Variants in LRRTM3 observed in about 807,000 individuals in gnomAD.
LRRTM3 encodes the protein leucine rich repeat transmembrane neuronal 3.
LRRTM3 carries 24 observed loss-of-function variants against 44.7 expected under a neutral mutation model. The observed-to-expected ratio is 0.54, with a 90% CI of 0.39 to 0.76. The LOEUF (loss-of-function observed/expected upper bound fraction) is 0.76. Among genes scored for constraint, LRRTM3 ranks in the 30% least tolerant of loss-of-function variants. LRRTM3 has a pLI of 0.00. For synonymous variants in LRRTM3, 277 were observed against 278.7 expected, an observed-to-expected ratio of 0.99 and a Z score of 0.06; for missense variants, 587 against 702.2, an observed-to-expected ratio of 0.84 and a Z score of 1.85.
chr10:67,058,614 T>C (rs151079554), intron 2 of LRRTM3, among the ~76,000 whole-genome samples: 15 of 152,282 alleles, frequency 9.9e-5, no homozygotes, highest in African/African-American at 3.4e-4. Flanking sequence ...GCCCCTTTTT[T>C]TTCTGTGCGC....
intron 2 of LRRTM3, among the ~76,000 whole-genome samples, chr10:67,087,431 C>A (rs1182756883): frequency 6.6e-6 from 1 of 151,466 alleles, no homozygotes; most frequent in East Asian, 1.9e-4. Flanking sequence ...GGGAAAATCA[C>A]CAAATTAAGG....
At position 66,962,171 on chromosome 10, in the gene LRRTM3, TC is replaced by T. The variant is rs528077444; in HGVS notation, c.1536+33724del. 7.7e-4 allele frequency among the ~76,000 whole-genome samples: 117 copies of T among 152,140 alleles called. 1 individual carries two copies. The highest frequency in any genetic ancestry group is 1.0e-3 in the Non-Finnish European group (68 of 68,004). ...TCCTGTTCAAAACCCTCTAGTGACA[TC>T]CCCCATTTCCTCATCATGAAAGGCA... On this transcript the variant is annotated intron_variant, in intron 2 of 2. Coordinates refer to ENST00000361320, the MANE Select transcript of LRRTM3 (RefSeq NM_178011.5).
At chr10:66,929,251 G>A (rs1247439186) in intron 2 of LRRTM3, among the ~76,000 whole-genome samples, 1 of 152,202 alleles carries the variant, frequency 6.6e-6, no homozygotes, top group Non-Finnish European at 1.5e-5. Flanking sequence ...AAATGAAACA[G>A]CATTGAGAAG....
At chr10:67,073,910 T>G (rs1247838364) in intron 2 of LRRTM3, among the ~76,000 whole-genome samples, 1 of 152,190 alleles carries the variant, frequency 6.6e-6, no homozygotes, top group East Asian at 1.9e-4. Context: ...GTTAAGTAAC[T>G]TTTGACCAAT....
chr10:67,013,456 C>T (rs986389614), intron 2 of LRRTM3, among the ~76,000 whole-genome samples: 25 of 152,150 alleles, frequency 1.6e-4, no homozygotes, highest in African/African-American at 5.3e-4. Context: ...TTTAAAGAGA[C>T]AGAATTCTCA....
intron 2 of LRRTM3, among the ~76,000 whole-genome samples, chr10:67,083,115 C>T (rs1857132167): frequency 6.6e-6 from 1 of 152,096 alleles, no homozygotes; most frequent in Non-Finnish European, 1.5e-5. Flanking sequence ...ACCTTCATTA[C>T]TCAGCCTTTT....
intron 2 of LRRTM3, among the ~76,000 whole-genome samples, chr10:67,083,378 T>A (rs982078886): frequency 3.3e-5 from 5 of 151,960 alleles, no homozygotes; most frequent in Admixed American, 3.3e-4. Flanking sequence ...GGGGCTACCA[T>A]CTAGGAAATT....
intron 2 of LRRTM3, among the ~76,000 whole-genome samples, chr10:67,077,221 C>A (rs919940190): frequency 2.6e-5 from 4 of 152,174 alleles, no homozygotes; most frequent in Non-Finnish European, 5.9e-5. Context: ...TGCACATGTT[C>A]GCTCTGGACC....
At chr10:67,022,124 A>C (rs1853057948) in intron 2 of LRRTM3, among the ~76,000 whole-genome samples, 2 of 152,162 alleles carry the variant, frequency 1.3e-5, no homozygotes, top group South Asian at 4.1e-4. Flanking sequence ...AAGCCAAAGG[A>C]GTGGGAAAAA....
At chr10:66,937,989 CT>C (rs1847802733) in intron 2 of LRRTM3, among the ~76,000 whole-genome samples, 1 of 152,024 alleles carries the variant, frequency 6.6e-6, no homozygotes, top group Non-Finnish European at 1.5e-5. Flanking sequence ...ATAATCTCTT[CT>C]TTTCCTTCTT....
intron 2 of LRRTM3, among the ~76,000 whole-genome samples, chr10:66,929,543 G>T (rs1007647118): frequency 6.6e-6 from 1 of 152,120 alleles, no homozygotes; most frequent in Non-Finnish European, 1.5e-5. Flanking sequence ...ATTCCAAGAC[G>T]TGCCTTCCAC....
chr10:67,008,896 G>A (rs776808014), intron 2 of LRRTM3, among the ~76,000 whole-genome samples: 30 of 152,064 alleles, frequency 2.0e-4, no homozygotes, highest in Non-Finnish European at 4.1e-4. Context: ...ACTATCTTGT[G>A]TAACTTCTTA....
intron 2 of LRRTM3, among the ~76,000 whole-genome samples, chr10:66,994,961 T>C (rs931299448): frequency 3.9e-5 from 6 of 152,112 alleles, no homozygotes; most frequent in Non-Finnish European, 8.8e-5. Flanking sequence ...GATGGAACTC[T>C]CCACAAGGTC....
At chr10:66,956,881 C>A (rs565905688) in intron 2 of LRRTM3, among the ~76,000 whole-genome samples, 2 of 152,276 alleles carry the variant, frequency 1.3e-5, no homozygotes, top group Admixed American at 1.3e-4. Context: ...CATCCTCCTA[C>A]GGGACAAAAA....
chr10:67,059,625 G>A (rs1205171516), intron 2 of LRRTM3, among the ~76,000 whole-genome samples: 1 of 152,120 alleles, frequency 6.6e-6, no homozygotes, highest in Non-Finnish European at 1.5e-5. Flanking sequence ...GTCATAGTCA[G>A]TTTGTTCTGA....
intron 2 of LRRTM3, among the ~76,000 whole-genome samples, chr10:66,980,387 C>T (rs961956559): frequency 6.6e-6 from 1 of 152,140 alleles, no homozygotes; most frequent in Admixed American, 6.6e-5. Context: ...TATAGGGAAG[C>T]CATCTTCTGG....
chr10:67,005,597 A>T (rs1207081755), intron 2 of LRRTM3, among the ~76,000 whole-genome samples: 1 of 151,720 alleles, frequency 6.6e-6, no homozygotes, highest in Non-Finnish European at 1.5e-5. Context: ...GAATCGGAAA[A>T]AAAGGTATGT....
chr10:67,076,495 C>A (rs1407664139), intron 2 of LRRTM3, among the ~76,000 whole-genome samples: 1 of 152,168 alleles, frequency 6.6e-6, no homozygotes, highest in Non-Finnish European at 1.5e-5. Flanking sequence ...TTCCAGGACT[C>A]CATCAGAATG....
intron 2 of LRRTM3, among the ~76,000 whole-genome samples, chr10:66,940,958 G>GCAA (rs1847964730): frequency 6.6e-6 from 1 of 152,138 alleles, no homozygotes; most frequent in Non-Finnish European, 1.5e-5. Flanking sequence ...GTAAAAAAAT[G>GCAA]CAACTGAGTT....
Sources: gnomAD v4.1 joint callset for allele counts (sites outside exome capture counted in the v4.1 genomes callset) on GRCh38, gnomAD v4.1.1 for gene constraint, MANE v1.5 for transcripts, NCBI Gene and HGNC (gene_info 2026-07-23, HGNC 2026-07-21) for gene names.